UBR3: variants seen among roughly 807,000 people sequenced by gnomAD.
UBR3 encodes the protein E3 ubiquitin-protein ligase UBR3.
Under a neutral mutation model 243.2 loss-of-function variants are expected in UBR3, and 85 were observed. The ratio of observed to expected loss-of-function variants is 0.35; its 90% CI spans 0.29 to 0.42. The LOEUF is 0.42. UBR3 is among the 10% of genes least tolerant of loss of function. The probability of loss-of-function intolerance (pLI) is 1.00; values close to 1 mark genes in which losing one functional copy is unlikely to be tolerated. For synonymous variants in UBR3, 748 were observed against 799.8 expected (o/e 0.94, Z 1.09); for missense variants, 1,686 against 2,300.8 (o/e 0.73, Z 5.47).
intron 5 of UBR3, among the ~76,000 whole-genome samples, chr2:169,890,595 A>ATATATATATATG (rs1559064581): frequency 4.1e-4 from 39 of 96,182 alleles, no homozygotes; most frequent in East Asian, 2.7e-3. Context: ...ATATATATGT[A>ATATATATATATG]TATATATGTA....
intron 29 of UBR3, among the ~76,000 whole-genome samples, chr2:170,013,367 C>T (rs2090142405): frequency 6.6e-6 from 1 of 152,032 alleles, no homozygotes; most frequent in Non-Finnish European, 1.5e-5. Context: ...ACTTGGGAGG[C>T]TGAGGCAGGA....
intron 31 of UBR3, among the ~76,000 whole-genome samples, chr2:170,031,045 T>TG (rs1395323438): frequency 2.6e-5 from 4 of 152,118 alleles, no homozygotes. Context: ...TCCTCCCATC[T>TG]GGGCCTCCCC....
At chr2:170,052,933 A>G (rs1466542698) in intron 32 of UBR3, among the ~76,000 whole-genome samples, 2 of 152,236 alleles carry the variant, frequency 1.3e-5, no homozygotes, top group Non-Finnish European at 1.5e-5. Context: ...GTGTATGCTT[A>G]TATCAAAACT....
At chr2:169,952,206 A>C (rs2087064347) in intron 23 of UBR3, among the ~76,000 whole-genome samples, 1 of 152,180 alleles carries the variant, frequency 6.6e-6, no homozygotes, top group Non-Finnish European at 1.5e-5. Flanking sequence ...GTACCTACAA[A>C]GGTGACTGAC....
intron 31 of UBR3, among the ~76,000 whole-genome samples, chr2:170,033,698 T>G (rs1245667145): frequency 1.3e-5 from 2 of 151,226 alleles, no homozygotes; most frequent in African/African-American, 2.4e-5. Flanking sequence ...TTTTTAAAAT[T>G]GAAATATCTT....
chr2:169,883,366 C>T (rs1381704717), intron 5 of UBR3, among the ~76,000 whole-genome samples: 1 of 152,148 alleles, frequency 6.6e-6, no homozygotes, highest in African/African-American at 2.4e-5. Flanking sequence ...TTACTTCTCC[C>T]AGGCCAACAG....
chr2:169,841,669 G>C (rs1359930701), intron 1 of UBR3, among the ~76,000 whole-genome samples: 2 of 152,248 alleles, frequency 1.3e-5, no homozygotes, highest in Non-Finnish European at 2.9e-5. Context: ...GGGGGACTTA[G>C]CACCCGGGCC....
At chr2:169,895,540 A>G (rs1292497567) in intron 7 of UBR3, among the ~76,000 whole-genome samples, 1 of 152,236 alleles carries the variant, frequency 6.6e-6, no homozygotes, top group Non-Finnish European at 1.5e-5. Context: ...TCTGCATGGA[A>G]CTTGGTCTGG....
intron 33 of UBR3, among the ~76,000 whole-genome samples, chr2:170,057,651 A>C (rs966251623): frequency 6.6e-6 from 1 of 152,160 alleles, no homozygotes; most frequent in African/African-American, 2.4e-5. Context: ...GAGGAACATG[A>C]TGTAATTTAG....
Position 170,055,324 on chromosome 2 carries a change from A to G in UBR3, c.4661-136A>G, listed in dbSNP as rs542279430. The G allele has an allele frequency of 2.0e-5, 21 of 1,027,362 alleles. 1 individual carries two copies. The highest frequency in any genetic ancestry group is 7.1e-4 in the Middle Eastern group (2 of 2,832). 63.6% of individuals were successfully genotyped at this position (1,027,362 alleles called of 1,614,324 possible). On this transcript the variant is annotated intron_variant, in intron 32 of 38. Coordinates refer to ENST00000272793, the MANE Select transcript of UBR3 (RefSeq NM_172070.4). ...GGTGACAGACTGAGACCTCGTCTCA[A>G]AAACAAACAAAAAAACTATTAAGTG...
At chr2:169,941,185 C>T (rs1188235055) in intron 19 of UBR3, among the ~76,000 whole-genome samples, 1 of 152,162 alleles carries the variant, frequency 6.6e-6, no homozygotes, top group Non-Finnish European at 1.5e-5. Context: ...TTTATCATCT[C>T]ATATCATCCC....
At chr2:170,033,166 G>A (rs937990818) in intron 31 of UBR3, among the ~76,000 whole-genome samples, 23 of 152,066 alleles carry the variant, frequency 1.5e-4, no homozygotes, top group Middle Eastern at 3.4e-3. Context: ...TAATTAAAAA[G>A]CTTAAAGTAC....
In UBR3 at chr2:169,836,056, TATATATATATA is replaced by T. The variant is rs1436283480; in HGVS notation, c.545+8005_545+8015del. ...CTCTCTCTCTCTCTATATATATATA[TATATATATATA>T]TTTTTTTTTTTTTTTTTTTTTTTTT... On this transcript the variant is annotated intron_variant, in intron 1 of 38. Transcript: ENST00000272793. 3.6e-4 allele frequency among the ~76,000 whole-genome samples: 20 copies of T among 55,846 alleles called. 1 individual carries two copies. The highest frequency in any genetic ancestry group is 4.8e-4 in the African/African-American group (9 of 18,800). The allele number at this position is 55,846 out of a possible 152,430, so 36.6% of individuals were successfully genotyped here.
intron 1 of UBR3, among the ~76,000 whole-genome samples, chr2:169,836,380 T>A (rs1415432698): frequency 6.6e-6 from 1 of 151,766 alleles, no homozygotes; most frequent in East Asian, 1.9e-4. Flanking sequence ...CTACCACGCC[T>A]GGCCCCACCA....
intron 26 of UBR3, among the ~76,000 whole-genome samples, chr2:169,994,923 G>A (rs1171747590): frequency 6.6e-6 from 1 of 152,174 alleles, no homozygotes; most frequent in Non-Finnish European, 1.5e-5. Flanking sequence ...CCTGGTATGA[G>A]TCAGTATGGG....
chr2:169,861,345 C>T (rs1048882509), intron 1 of UBR3, among the ~76,000 whole-genome samples: 2 of 152,188 alleles, frequency 1.3e-5, no homozygotes, highest in Non-Finnish European at 2.9e-5. Context: ...TGTGGTGGCT[C>T]ACGCCCGTAA....
chr2:170,033,125 C>A (rs368693585), intron 31 of UBR3, among the ~76,000 whole-genome samples: 68 of 152,012 alleles, frequency 4.5e-4, no homozygotes, highest in African/African-American at 1.6e-3. Context: ...AGGTGTTCAG[C>A]AAACAAAAAG....
intron 10 of UBR3, among the ~76,000 whole-genome samples, chr2:169,912,467 C>T (rs1198051134): frequency 6.6e-6 from 1 of 152,090 alleles, no homozygotes; most frequent in African/African-American, 2.4e-5. Context: ...TAATATGTGG[C>T]CTTTTGTGTC....
chr2:169,992,085 C>A (rs546365399), intron 25 of UBR3, among the ~76,000 whole-genome samples: 2 of 152,206 alleles, frequency 1.3e-5, no homozygotes, highest in African/African-American at 4.8e-5. Context: ...ATTGACTTTA[C>A]TACAGACCTC....
Sources: gnomAD v4.1 joint callset for allele counts (sites outside exome capture counted in the v4.1 genomes callset) on GRCh38, gnomAD v4.1.1 for gene constraint, MANE v1.5 for transcripts, NCBI Gene and HGNC (gene_info 2026-07-23, HGNC 2026-07-21) for gene names.